The following CADPS2 variants were observed in gnomAD, a reference collection of about 807,000 sequenced individuals.
CADPS2 encodes calcium-dependent secretion activator 2.
CADPS2 carries 93 observed loss-of-function variants against 172.5 expected under a neutral mutation model. The ratio of observed to expected loss-of-function variants is 0.54; its 90% CI spans 0.46 to 0.64. The LOEUF (loss-of-function observed/expected upper bound fraction) is 0.64. CADPS2 is among the 30% of genes least tolerant of loss of function. CADPS2 has a pLI of 0.00. For synonymous variants in CADPS2, 546 were observed against 555.2 expected (o/e 0.98, Z 0.23); for missense variants, 1,420 against 1,565.9 (o/e 0.91, Z 1.57).
chr7:122,616,451 T>C (rs1254081391), intron 5 of CADPS2, among the ~76,000 whole-genome samples: 1 of 152,104 alleles, frequency 6.6e-6, no homozygotes, highest in Non-Finnish European at 1.5e-5. Flanking sequence ...AAGAGAAGGG[T>C]CATGTTTGTA....
Position 122,393,516 on chromosome 7 carries a change from T to A in CADPS2, c.2813A>T (p.Tyr938Phe). Reference protein sequence around the residue: ...QEIFVPLVVRYVDLMESSIAQ... With the variant: ...QEIFVPLVVRFVDLMESSIAQ... ...GATGGAAGACTCCATGAGATCCACA[T>A]AGCGGACAACCAAGGGTACAAAGAT... The change falls in exon 21 of 30, where the codon TAT becomes TTT. Residue 938 changes from tyrosine to phenylalanine, a missense_variant. Physicochemically the swap from Tyr to Phe is conservative, Grantham distance 22. Coordinates refer to ENST00000449022, the MANE Select transcript of CADPS2 (RefSeq NM_017954.11). 1 of 1,613,868 alleles carries A rather than the reference T, an allele frequency of 6.2e-7. No individual in the cohort carries two copies. The highest frequency in any genetic ancestry group is 8.5e-7 in the Non-Finnish European group (1 of 1,179,832).
intron 2 of CADPS2, among the ~76,000 whole-genome samples, chr7:122,722,407 CAGAG>C (rs1483458055): frequency 3.3e-5 from 5 of 151,244 alleles, no homozygotes; most frequent in African/African-American, 1.2e-4. Context: ...AACAGACAAA[CAGAG>C]AGCCAAATCA....
intron 9 of CADPS2, among the ~76,000 whole-genome samples, chr7:122,496,753 T>C (rs1453027005): frequency 6.6e-6 from 1 of 152,176 alleles, no homozygotes; most frequent in African/African-American, 2.4e-5. Flanking sequence ...GCTTAACACA[T>C]GACTAGTTTT....
chr7:122,810,787 TCTCA>T lies in CADPS2; in HGVS notation c.340-73723_340-73720del, dbSNP rs1337150480. Among the ~76,000 whole-genome samples, 9 of 151,788 alleles carry T rather than the reference TCTCA, an allele frequency of 5.9e-5. 1 individual carries two copies. In the East Asian group the frequency reaches 1.7e-3, roughly 29 times the overall value. On this transcript the variant is annotated intron_variant, in intron 1 of 29. Coordinates refer to ENST00000449022, the MANE Select transcript of CADPS2 (RefSeq NM_017954.11). ...TAAAAATTTTTTGATAGAGATGAGGTCTCACTATGTTGCCTAGGCTGGTATCAAA... is the reference window on the plus strand; with the variant it reads ...TAAAAATTTTTTGATAGAGATGAGGTCTATGTTGCCTAGGCTGGTATCAAA...
At chr7:122,804,115 C>T (rs1005502688) in intron 1 of CADPS2, among the ~76,000 whole-genome samples, 3 of 152,160 alleles carry the variant, frequency 2.0e-5, no homozygotes, top group African/African-American at 7.2e-5. Flanking sequence ...TCCTGACTGA[C>T]CTGCACTCTA....
At chr7:122,497,920 T>C (rs2058875866) in intron 9 of CADPS2, among the ~76,000 whole-genome samples, 1 of 152,208 alleles carries the variant, frequency 6.6e-6, no homozygotes, top group Admixed American at 6.5e-5. Flanking sequence ...TACATCCATG[T>C]GGAAAAGACT....
At chr7:122,816,105 A>T (rs13227070) in intron 1 of CADPS2, among the ~76,000 whole-genome samples, 29,385 of 151,462 alleles carry the variant, frequency 0.19, 2,951 homozygotes, top group Middle Eastern at 0.29. Context: ...GCTACTGAAC[A>T]TTAGATCTTA....
chr7:122,725,948 T>C (rs1366769791), intron 2 of CADPS2, among the ~76,000 whole-genome samples: 1 of 152,022 alleles, frequency 6.6e-6, no homozygotes, highest in African/African-American at 2.4e-5. Flanking sequence ...AATTCATCCA[T>C]ATTTTATATC....
intron 14 of CADPS2, among the ~76,000 whole-genome samples, chr7:122,468,534 T>A (rs979417921): frequency 3.9e-5 from 6 of 152,198 alleles, no homozygotes; most frequent in African/African-American, 9.6e-5. Context: ...ACAATTTACA[T>A]CCTCTTGGGT....
intron 7 of CADPS2, among the ~76,000 whole-genome samples, chr7:122,557,515 T>C (rs926279838): frequency 4.6e-5 from 7 of 152,142 alleles, no homozygotes; most frequent in African/African-American, 1.4e-4. Flanking sequence ...TTACTGTATA[T>C]TGGATTTATC....
intron 13 of CADPS2, among the ~76,000 whole-genome samples, chr7:122,473,575 T>A (rs1162514227): frequency 1.3e-5 from 2 of 152,188 alleles, no homozygotes; most frequent in Non-Finnish European, 2.9e-5. Context: ...GGATAAGGGA[T>A]AGTCAACCTG....
intron 2 of CADPS2, chr7:122,698,013 T>G (rs775113754): frequency 6.2e-7 from 1 of 1,613,462 alleles, no homozygotes; most frequent in Admixed American, 1.7e-5. Flanking sequence ...TCCCCAAAAC[T>G]TTAAGAATAT....
At chr7:122,663,789 G>A (rs544541055) in intron 2 of CADPS2, among the ~76,000 whole-genome samples, 4 of 152,198 alleles carry the variant, frequency 2.6e-5, no homozygotes, top group Non-Finnish European at 5.9e-5. Context: ...ACAGTATACA[G>A]TAAAAAATAC....
rs1055547844 is a variant in CADPS2 at position 122,720,986 on chromosome 7, T to A, written c.453+15969A>T. Among the ~76,000 whole-genome samples the A allele has an allele frequency of 5.3e-5, 8 of 152,102 alleles. No individual in the cohort carries two copies. The South Asian group carries it at 6.2e-4, about 12-fold the overall frequency. ...GTTAATTATGTTAACATACTTAATC[T>A]TAATTTTCAGAGCTTCATGAGAAAT... On this transcript the variant is annotated intron_variant, in intron 2 of 29. Transcript: ENST00000449022.
chr7:122,875,539 T>C (rs1820988681), intron 1 of CADPS2, among the ~76,000 whole-genome samples: 1 of 152,178 alleles, frequency 6.6e-6, no homozygotes. Flanking sequence ...TATCTTAAAA[T>C]CAGTATATTA....
At chr7:122,550,722 A>AT (rs761613462) in intron 8 of CADPS2, among the ~76,000 whole-genome samples, 17 of 151,962 alleles carry the variant, frequency 1.1e-4, no homozygotes, top group Non-Finnish European at 2.1e-4. Context: ...ATGCTAAGGT[A>AT]TAGCCCATTT....
chr7:122,402,345 C>T (rs1397333218), intron 20 of CADPS2, among the ~76,000 whole-genome samples: 1 of 152,122 alleles, frequency 6.6e-6, no homozygotes, highest in Non-Finnish European at 1.5e-5. Flanking sequence ...TGAGACTGAA[C>T]TGGAGACCCA....
chr7:122,485,446 C>G (rs889728252), intron 11 of CADPS2, among the ~76,000 whole-genome samples: 1 of 152,188 alleles, frequency 6.6e-6, no homozygotes. Context: ...ATAGATCAAA[C>G]CAGCCACAAT....
At chr7:122,823,289 C>A (rs73718019) in intron 1 of CADPS2, among the ~76,000 whole-genome samples, 2,445 of 152,190 alleles carry the variant, frequency 0.016, 61 homozygotes, top group African/African-American at 0.056. Context: ...GGGAAAAAAT[C>A]TTCCTTTTGC....
Sources: gnomAD v4.1 joint callset for allele counts (sites outside exome capture counted in the v4.1 genomes callset) on GRCh38, gnomAD v4.1.1 for gene constraint, MANE v1.5 for transcripts, NCBI Gene and HGNC (gene_info 2026-07-23, HGNC 2026-07-21) for gene names.